The following GPHN variants were observed in gnomAD, a reference collection of about 807,000 sequenced individuals.
GPHN encodes gephyrin.
In GPHN, 17 loss-of-function variants were observed where a neutral mutation model predicts 95.5. The observed-to-expected ratio is 0.18, with a 90% confidence interval of 0.12 to 0.27. The LOEUF (loss-of-function observed/expected upper bound fraction) is 0.27, where lower values mean the gene tolerates loss of function less well. GPHN is among the 10% of genes least tolerant of loss of function. The pLI, the probability that GPHN is intolerant of heterozygous loss-of-function variation, is 1.00. For synonymous variants in GPHN, 320 were observed against 322.5 expected (o/e 0.99, Z 0.08); for missense variants, 660 against 978.1 (o/e 0.67, Z 4.34).
At chr14:67,067,554 A>T (rs1362929642) in intron 11 of GPHN, among the ~76,000 whole-genome samples, 5 of 152,222 alleles carry the variant, frequency 3.3e-5, no homozygotes, top group Non-Finnish European at 7.3e-5. Flanking sequence ...TGCCCTGCCC[A>T]CAAAGGTGGA....
chr14:67,550,093 G>A, the GPHN span, among the ~76,000 whole-genome samples: 6 of 150,240 alleles, frequency 4.0e-5, no homozygotes, highest in Admixed American at 2.0e-4. Flanking sequence ...TCCCAGCTCC[G>A]TATTTGTGTA....
intron 4 of GPHN, among the ~76,000 whole-genome samples, chr14:66,862,419 A>G (rs879702944): frequency 1.1e-4 from 16 of 152,088 alleles, no homozygotes; most frequent in Non-Finnish European, 1.9e-4. Flanking sequence ...AGGAAGAACT[A>G]ATACCAATCT....
the GPHN span, chr14:67,559,590 G>C: frequency 1.6e-5 from 25 of 1,543,698 alleles, no homozygotes; most frequent in East Asian, 9.3e-5. Context: ...TTAACGGAAG[G>C]CCCTCTCTTT....
At chr14:67,494,690 T>C in the GPHN span, among the ~76,000 whole-genome samples, 1 of 152,192 alleles carries the variant, frequency 6.6e-6, no homozygotes, top group South Asian at 2.1e-4. Flanking sequence ...GATGGCTGGC[T>C]GTGGTGCACA....
chr14:66,544,324 C>A (rs923903190), intron 1 of GPHN, among the ~76,000 whole-genome samples: 1 of 152,214 alleles, frequency 6.6e-6, no homozygotes, highest in African/African-American at 2.4e-5. Flanking sequence ...CCTATATACT[C>A]CTAATCCTCT....
the GPHN span, chr14:67,735,290 T>TAC: frequency 1.1e-6 from 1 of 881,564 alleles, no homozygotes; most frequent in Middle Eastern, 3.3e-4. Flanking sequence ...GTGCTCAGGC[T>TAC]ACATCTCACC....
chr14:66,718,914 G>C (rs2070458875), intron 2 of GPHN, among the ~76,000 whole-genome samples: 1 of 152,134 alleles, frequency 6.6e-6, no homozygotes, highest in Admixed American at 6.5e-5. Context: ...GAGGTTCCCA[G>C]GTCAATGGAG....
the GPHN span, among the ~76,000 whole-genome samples, chr14:67,408,349 TAAAATAAAAA>T: frequency 8.0e-5 from 10 of 125,682 alleles, no homozygotes; most frequent in African/African-American, 1.7e-4. Context: ...TAAAATAAAA[TAAAATAAAAA>T]AAGAAAAAAC....
At chr14:67,702,103 C>G in the GPHN span, among the ~76,000 whole-genome samples, 1 of 151,974 alleles carries the variant, frequency 6.6e-6, no homozygotes, top group Non-Finnish European at 1.5e-5. Flanking sequence ...AGTCATGAAC[C>G]ACTGTGCCCA....
At chr14:67,222,284 T>C in the GPHN span, among the ~76,000 whole-genome samples, 1 of 152,140 alleles carries the variant, frequency 6.6e-6, no homozygotes, top group East Asian at 1.9e-4. Context: ...TTTAATGTTT[T>C]TGTTTGTTTG....
chr14:67,721,738 GATATATATAT>G, the GPHN span, among the ~76,000 whole-genome samples: 10,157 of 146,766 alleles, frequency 0.069, 1,101 homozygotes, highest in African/African-American at 0.23. Flanking sequence ...AACAAGTGGG[GATATATATAT>G]ATATATATAT....
At chr14:67,558,649 G>GTTT in the GPHN span, among the ~76,000 whole-genome samples, 4 of 152,200 alleles carry the variant, frequency 2.6e-5, no homozygotes, top group Non-Finnish European at 5.9e-5. Flanking sequence ...AAAAGGCACT[G>GTTT]TTTTGTGAGT....
At chr14:66,828,197 G>A (rs1013496166) in intron 4 of GPHN, among the ~76,000 whole-genome samples, 1 of 151,626 alleles carries the variant, frequency 6.6e-6, no homozygotes, top group Non-Finnish European at 1.5e-5. Flanking sequence ...TGTAGCAGTC[G>A]TGGGCTATTA....
At chr14:67,302,919 C>G in the GPHN span, among the ~76,000 whole-genome samples, 2 of 151,998 alleles carry the variant, frequency 1.3e-5, no homozygotes, top group Non-Finnish European at 2.9e-5. Flanking sequence ...TTTTTGTGTT[C>G]TTTTATTTTA....
At chr14:67,024,254 A>T (rs2073813983) in intron 10 of GPHN, among the ~76,000 whole-genome samples, 1 of 152,168 alleles carries the variant, frequency 6.6e-6, no homozygotes, top group African/African-American at 2.4e-5. Flanking sequence ...TATAAAAAGG[A>T]ACTATAATAG....
rs2075089369 is a variant in GPHN at position 67,047,400 on chromosome 14, C to G, written c.1007-11249C>G. Among the ~76,000 whole-genome samples the G allele has an allele frequency of 3.5e-5, 5 of 140,904 alleles. No individual in the cohort carries two copies. The Admixed American group carries it at 3.7e-4, about 10-fold the overall frequency. 92.4% of individuals were successfully genotyped at this position (140,904 alleles called of 152,430 possible). On this transcript the variant is annotated intron_variant, in intron 10 of 22. Coordinates refer to ENST00000478722, the MANE Select transcript of GPHN (RefSeq NM_020806.5). ...TTTTTTTTTGAGACAGAGTCTCACT[C>G]TGTTGCCCAGGCTGGAGTGCAGTGG...
At chr14:67,069,629 C>G (rs1466703727) in intron 11 of GPHN, among the ~76,000 whole-genome samples, 1 of 152,162 alleles carries the variant, frequency 6.6e-6, no homozygotes, top group Non-Finnish European at 1.5e-5. Context: ...AGTCTTTAAT[C>G]ATGTAATCTT....
the GPHN span, among the ~76,000 whole-genome samples, chr14:67,212,334 C>T: frequency 2.0e-5 from 3 of 151,844 alleles, no homozygotes; most frequent in Admixed American, 2.0e-4. Context: ...GGGCCAGGCG[C>T]AGTGTCTCAC....
At chr14:66,691,759 T>C in intron 2 of GPHN, among the ~76,000 whole-genome samples, 1 of 152,116 alleles carries the variant, frequency 6.6e-6, no homozygotes, top group East Asian at 1.9e-4. Context: ...GTGAGCTAAA[T>C]AATTTATCAG....
Sources: gnomAD v4.1 joint callset for allele counts (sites outside exome capture counted in the v4.1 genomes callset) on GRCh38, gnomAD v4.1.1 for gene constraint, MANE v1.5 for transcripts, NCBI Gene and HGNC (gene_info 2026-07-23, HGNC 2026-07-21) for gene names.